Variants in NR6A1 observed in about 807,000 individuals in gnomAD.
NR6A1 encodes the protein nuclear receptor subfamily 6 group A member 1.
A neutral mutation model predicts 59.1 loss-of-function variants in NR6A1; 7 were observed. The observed-to-expected ratio is 0.12, with a 90% confidence interval of 0.07 to 0.22. The LOEUF is 0.22. Ranked by LOEUF, NR6A1 falls within the 10% of genes least tolerant of loss-of-function variation. The probability of loss-of-function intolerance (pLI) is 1.00; values close to 1 mark genes in which losing one functional copy is unlikely to be tolerated. For synonymous variants in NR6A1, 243 were observed against 236.1 expected, an observed-to-expected ratio of 1.03 and a Z score of -0.27; for missense variants, 468 against 611.6, an observed-to-expected ratio of 0.77 and a Z score of 2.48.
At chr9:124,524,577 C>A in intron 9 of NR6A1, 144 bp downstream of exon 9, 1 of 829,076 alleles carries the variant, frequency 1.2e-6, no homozygotes, top group Non-Finnish European at 1.8e-6. Flanking sequence ...TTATAACAGA[C>A]CTTTTTTGAG....
rs541241807 is a variant in NR6A1, at chr9:124,559,703, G to A, written c.143-5133C>T. ...GAGGCAGGAGAATCACTTGAACCTG[G>A]AACACAGAGGTTGCAGTGAGCCAAG... On this transcript the variant is annotated intron_variant, in intron 2 of 9. Transcript: ENST00000487099. Among the ~76,000 whole-genome samples, 158 of 152,262 alleles carry A rather than the reference G, an allele frequency of 1.0e-3. 1 individual carries two copies. Among genetic ancestry groups the A allele is most frequent in the African/African-American group, 3.7e-3 (154 of 41,552 alleles).
At chr9:124,591,543 T>C (rs775710663) in intron 2 of NR6A1, among the ~76,000 whole-genome samples, 1 of 152,086 alleles carries the variant, frequency 6.6e-6, no homozygotes, top group Non-Finnish European at 1.5e-5. Context: ...GAAGCAGCAG[T>C]AGTTTTTGTT....
In NR6A1 at chr9:124,643,202, C is replaced by CTGTA. The variant is rs1836818225; in HGVS notation, c.143-88636_143-88633dup. ...CGGGGCTGGGCACAGTGGCTCACAC[C>CTGTA]TGTAATACCATCACTTTCAGAGGCT... On this transcript the variant is annotated intron_variant, in intron 2 of 9. Transcript: ENST00000487099. 2.6e-5 allele frequency among the ~76,000 whole-genome samples: 4 copies of CTGTA among 152,098 alleles called. No homozygotes were observed. In the South Asian group the frequency reaches 8.3e-4, roughly 32 times the overall value.
intron 2 of NR6A1, among the ~76,000 whole-genome samples, chr9:124,639,265 AT>A (rs1363163644): frequency 1.3e-5 from 2 of 152,244 alleles, no homozygotes; most frequent in African/African-American, 4.8e-5. Context: ...ACAATTAAAA[AT>A]GCAGGGGTGT....
intron 2 of NR6A1, among the ~76,000 whole-genome samples, chr9:124,632,045 C>T (rs552831068): frequency 1.3e-5 from 2 of 152,142 alleles, no homozygotes; most frequent in African/African-American, 2.4e-5. Flanking sequence ...TGTATATGTA[C>T]ATTTTCTTTA....
chr9:124,711,941 A>G (rs1301331220), intron 2 of NR6A1, among the ~76,000 whole-genome samples: 3 of 152,244 alleles, frequency 2.0e-5, no homozygotes, highest in African/African-American at 7.2e-5. Context: ...ACATGCTCTT[A>G]GAATGACCTA....
intron 2 of NR6A1, among the ~76,000 whole-genome samples, chr9:124,674,410 A>C (rs1837891332): frequency 6.6e-6 from 1 of 152,184 alleles, no homozygotes; most frequent in South Asian, 2.1e-4. Context: ...CTGCCACTTA[A>C]TACCTGTGTG....
intron 1 of NR6A1, among the ~76,000 whole-genome samples, chr9:124,769,336 T>C (rs928350795): frequency 6.6e-6 from 1 of 152,068 alleles, no homozygotes; most frequent in Admixed American, 6.5e-5. Flanking sequence ...AGCTCTCTTC[T>C]ACACGGACTT....
intron 4 of NR6A1, among the ~76,000 whole-genome samples, chr9:124,543,396 T>C (rs1588653060): frequency 6.6e-6 from 1 of 152,196 alleles, no homozygotes; most frequent in East Asian, 1.9e-4. Flanking sequence ...AATGGGGGTA[T>C]TATCATTCCT....
intron 1 of NR6A1, among the ~76,000 whole-genome samples, chr9:124,745,156 T>G (rs1305528068): frequency 6.6e-6 from 1 of 152,088 alleles, no homozygotes; most frequent in African/African-American, 2.4e-5. Flanking sequence ...ACACTATAAA[T>G]GTTTTCCAAG....
chr9:124,679,902 G>GAA (rs58462266), intron 2 of NR6A1, among the ~76,000 whole-genome samples: 2 of 77,072 alleles, frequency 2.6e-5, no homozygotes, highest in Admixed American at 1.4e-4. Context: ...ATCTCAAAGA[G>GAA]AAAAAAAAAA....
chr9:124,682,875 A>G (rs987083738), intron 2 of NR6A1, among the ~76,000 whole-genome samples: 3 of 152,110 alleles, frequency 2.0e-5, no homozygotes, highest in African/African-American at 7.2e-5. Flanking sequence ...TTTTATGAAA[A>G]AGTATGGAAA....
At chr9:124,710,438 A>C (rs1453369381) in intron 2 of NR6A1, among the ~76,000 whole-genome samples, 1 of 152,160 alleles carries the variant, frequency 6.6e-6, no homozygotes, top group African/African-American at 2.4e-5. Flanking sequence ...GTTTTGCTTT[A>C]AGTCACAGAA....
At chr9:124,593,766 T>A (rs1311520268) in intron 2 of NR6A1, among the ~76,000 whole-genome samples, 1 of 152,186 alleles carries the variant, frequency 6.6e-6, no homozygotes, top group Admixed American at 6.5e-5. Context: ...GCATCTATCT[T>A]GAAGTGTGCA....
intron 2 of NR6A1, chr9:124,607,132 T>C (rs900318709): frequency 6.6e-6 from 1 of 152,174 alleles, no homozygotes; most frequent in Non-Finnish European, 1.5e-5. Context: ...GACTTTTTAT[T>C]TTTTCTTTTA....
intron 2 of NR6A1, among the ~76,000 whole-genome samples, chr9:124,678,632 T>TTGAGAGAAATGCTCCC (rs1426942911): frequency 6.6e-6 from 1 of 152,178 alleles, no homozygotes; most frequent in Non-Finnish European, 1.5e-5. Flanking sequence ...AAGTTATGAC[T>TTGAGAGAAATGCTCCC]TGAGAGAAAT....
chr9:124,656,562 G>A, intron 2 of NR6A1, among the ~76,000 whole-genome samples: 1 of 152,096 alleles, frequency 6.6e-6, no homozygotes, highest in East Asian at 1.9e-4. Flanking sequence ...TAGGCACGGT[G>A]GGCTCATGCC....
At chr9:124,706,171 G>A (rs532783982) in intron 2 of NR6A1, among the ~76,000 whole-genome samples, 2 of 152,216 alleles carry the variant, frequency 1.3e-5, no homozygotes, top group East Asian at 1.9e-4. Flanking sequence ...GTCTAATTTA[G>A]TTCCAGGAAA....
rs1414242833 is a variant in NR6A1, at chr9:124,520,528, T to G, written c.*2177A>C. ...TTGCCTCATCAGAGAGCAATTTCTT[T>G]TGACACCCAACACAACGGGTAAAAT... is the stretch of plus-strand genomic sequence containing the variant. On this transcript the variant is annotated 3_prime_UTR_variant, in exon 10 of 10. Transcript: ENST00000487099. 2.0e-5 allele frequency: 3 copies of G among 152,244 alleles called. No homozygotes were observed. The highest frequency in any genetic ancestry group is 7.2e-5 in the African/African-American group (3 of 41,466). The allele number at this position is 152,244 out of a possible 1,614,324, so 9.4% of individuals were successfully genotyped here.
Sources: gnomAD v4.1 joint callset for allele counts (sites outside exome capture counted in the v4.1 genomes callset) on GRCh38, gnomAD v4.1.1 for gene constraint, MANE v1.5 for transcripts, NCBI Gene and HGNC (gene_info 2026-07-23, HGNC 2026-07-21) for gene names.